CDH12: variants seen among roughly 807,000 people sequenced by gnomAD.
CDH12 encodes cadherin 12.
Under a neutral mutation model 74.1 loss-of-function variants are expected in CDH12, and 41 were observed. The observed-to-expected ratio is 0.55, with a 90% CI of 0.43 to 0.72. The LOEUF is 0.72. Ranked by LOEUF, CDH12 falls within the 30% of genes least tolerant of loss-of-function variation. The pLI, the probability that CDH12 is intolerant of heterozygous loss-of-function variation, is 0.00. For missense variants in CDH12, 945 were observed against 977.2 expected, an observed-to-expected ratio of 0.97 and a Z score of 0.44; for synonymous variants, 399 against 355.0, an observed-to-expected ratio of 1.12 and a Z score of -1.39.
intron 1 of CDH12, among the ~76,000 whole-genome samples, chr5:22,706,972 C>A (rs1432873865): frequency 2.6e-5 from 4 of 152,114 alleles, no homozygotes; most frequent in Non-Finnish European, 5.9e-5. Flanking sequence ...TCAGAAATAA[C>A]TCCCACATCT....
intron 6 of CDH12, among the ~76,000 whole-genome samples, chr5:21,909,726 C>T (rs902564296): frequency 5.9e-5 from 9 of 152,220 alleles, no homozygotes; most frequent in Middle Eastern, 6.8e-3. Context: ...TTTAGGTTCG[C>T]CTCCTTAGAG....
At chr5:22,162,177 C>T (rs1317294849) in intron 4 of CDH12, among the ~76,000 whole-genome samples, 1 of 151,940 alleles carries the variant, frequency 6.6e-6, no homozygotes, top group East Asian at 1.9e-4. Flanking sequence ...GCAGACTGAA[C>T]GCTGCTTTCT....
intron 3 of CDH12, among the ~76,000 whole-genome samples, chr5:22,283,285 CAT>C (rs1352556828): frequency 2.2e-4 from 30 of 134,888 alleles, no homozygotes; most frequent in East Asian, 7.9e-4. Context: ...CATATACACA[CAT>C]ATATATATAG....
chr5:22,501,011 T>C (rs1580711469), intron 2 of CDH12, among the ~76,000 whole-genome samples: 1 of 151,896 alleles, frequency 6.6e-6, no homozygotes, highest in South Asian at 2.1e-4. Flanking sequence ...GATAGCACAA[T>C]AACCTGCATT....
chr5:22,412,599 T>A (rs1387625394), intron 2 of CDH12, among the ~76,000 whole-genome samples: 11 of 151,934 alleles, frequency 7.2e-5, no homozygotes, highest in African/African-American at 2.4e-4. Flanking sequence ...ATAAGAAAGA[T>A]TGTGTATATG....
At chr5:22,155,635 T>A (rs1382595292) in intron 4 of CDH12, among the ~76,000 whole-genome samples, 2 of 152,120 alleles carry the variant, frequency 1.3e-5, no homozygotes, top group East Asian at 3.8e-4. Context: ...AACATATATG[T>A]TTTAAAGTAC....
chr5:21,826,338 A>C (rs573147989), intron 8 of CDH12, among the ~76,000 whole-genome samples: 1 of 152,290 alleles, frequency 6.6e-6, no homozygotes, highest in African/African-American at 2.4e-5. Flanking sequence ...CTCTCTCAGC[A>C]AGTAGTATTT....
intron 5 of CDH12, among the ~76,000 whole-genome samples, chr5:22,032,593 C>A (rs1306163943): frequency 6.6e-6 from 1 of 151,566 alleles, no homozygotes; most frequent in Non-Finnish European, 1.5e-5. Flanking sequence ...CATCTGTAAT[C>A]CCAGCTACTT....
intron 6 of CDH12, among the ~76,000 whole-genome samples, chr5:21,945,427 C>CAAAAAAAAAAAA (rs1167475672): frequency 5.2e-4 from 8 of 15,530 alleles, no homozygotes; most frequent in African/African-American, 1.8e-3. Context: ...CTGTTTCAGA[C>CAAAAAAAAAAAA]AAAAAAAAAA....
chr5:22,504,935 A>G (rs73742113), intron 2 of CDH12, among the ~76,000 whole-genome samples: 1,829 of 152,132 alleles, frequency 0.012, 32 homozygotes, highest in African/African-American at 0.043. Context: ...AAAAGGCAGA[A>G]ATCACTTTCT....
In CDH12 at chr5:21,783,458, G is replaced by C; in HGVS notation, c.1293C>G (p.Tyr431Ter). The stretch of plus-strand genomic sequence containing the variant: ...TTCCTTCATTTCCATCTATTGTAAA[G>C]TAGCTGTCCCCATCACTCTTCCAAT... ...FIDWKSDGDS[Y>*]FTIDGNEGTI... The change falls in exon 11 of 15, where the codon TAC becomes TAG. Residue 431 changes from tyrosine to a stop codon, truncating the protein, a stop_gained. Transcript: ENST00000382254. LOFTEE classifies it high-confidence loss of function. 6.2e-7 allele frequency: 1 copy of C among 1,607,028 alleles called. No individual in the cohort carries two copies. Among genetic ancestry groups the C allele is most frequent in the Admixed American group, 1.7e-5 (1 of 59,988 alleles).
intron 1 of CDH12, among the ~76,000 whole-genome samples, chr5:22,819,013 G>C (rs1749533759): frequency 6.6e-6 from 1 of 151,998 alleles, no homozygotes; most frequent in Admixed American, 6.6e-5. Flanking sequence ...GGTAGTTCAG[G>C]AACACTGACT....
chr5:22,142,276 A>C (rs2150299181), intron 4 of CDH12: 1 of 240,782 alleles, frequency 4.2e-6, no homozygotes, highest in African/African-American at 2.3e-5. Context: ...TCAGGATTAC[A>C]GTATAGAGTA....
chr5:22,213,974 A>G (rs1340044115), intron 3 of CDH12, among the ~76,000 whole-genome samples: 6 of 151,810 alleles, frequency 4.0e-5, no homozygotes, highest in African/African-American at 1.5e-4. Flanking sequence ...AGAGAGAGGA[A>G]GAGCGAGAAG....
Position 22,693,430 on chromosome 5 carries a change from AT to A in CDH12, c.-523+159627del, listed in dbSNP as rs1467617676. On this transcript the variant is annotated intron_variant, in intron 1 of 14. Transcript: ENST00000382254. Reference sequence around the variant, plus strand: ...CCAGCCAAAGTGGTCATGGGGACCAATAAAGGAGGAAGTAAGAGAGAAGGGG... The same window carrying A: ...CCAGCCAAAGTGGTCATGGGGACCAAAAAGGAGGAAGTAAGAGAGAAGGGG... 3.3e-5 allele frequency among the ~76,000 whole-genome samples: 5 copies of A among 152,244 alleles called. No homozygotes were observed. The East Asian group carries it at 9.7e-4, about 29-fold the overall frequency.
At chr5:22,061,726 A>T (rs1019221114) in intron 5 of CDH12, among the ~76,000 whole-genome samples, 9 of 152,182 alleles carry the variant, frequency 5.9e-5, no homozygotes, top group African/African-American at 1.9e-4. Context: ...TTTCTGACAC[A>T]TGCATGCACA....
intron 6 of CDH12, among the ~76,000 whole-genome samples, chr5:21,957,124 C>A (rs771117508): frequency 1.4e-4 from 21 of 152,102 alleles, no homozygotes; most frequent in Non-Finnish European, 2.8e-4. Flanking sequence ...TCCATGTGTT[C>A]TCATAATTTA....
intron 5 of CDH12, among the ~76,000 whole-genome samples, chr5:22,009,529 A>G (rs1737165225): frequency 6.6e-6 from 1 of 152,222 alleles, no homozygotes. Flanking sequence ...AGCAAACACT[A>G]ATCTAGGACA....
chr5:21,821,527 T>A (rs1458375701), intron 8 of CDH12, among the ~76,000 whole-genome samples: 2 of 151,732 alleles, frequency 1.3e-5, no homozygotes, highest in Non-Finnish European at 2.9e-5. Context: ...AATTCTAAAG[T>A]TACTTAAAAA....
Sources: gnomAD v4.1 joint callset for allele counts (sites outside exome capture counted in the v4.1 genomes callset) on GRCh38, gnomAD v4.1.1 for gene constraint, MANE v1.5 for transcripts, NCBI Gene and HGNC (gene_info 2026-07-23, HGNC 2026-07-21) for gene names.